RELN: variants seen among roughly 807,000 people sequenced by gnomAD.
RELN encodes the protein reelin.
A neutral mutation model predicts 427.6 loss-of-function variants in RELN; 108 were observed. The ratio of observed to expected loss-of-function variants is 0.25; its 90% CI spans 0.22 to 0.30. RELN has a LOEUF of 0.30. Ranked by LOEUF, RELN falls within the 10% of genes least tolerant of loss-of-function variation. The pLI is 1.00. For synonymous variants in RELN, 1,524 were observed against 1,513.4 expected, an observed-to-expected ratio of 1.01 and a Z score of -0.16; for missense variants, 3,715 against 4,302.8, an observed-to-expected ratio of 0.86 and a Z score of 3.82.
chr7:103,685,316 C>G (rs1300867186), intron 10 of RELN, among the ~76,000 whole-genome samples: 2 of 152,040 alleles, frequency 1.3e-5, no homozygotes, highest in Non-Finnish European at 2.9e-5. Context: ...CAAATCTAAA[C>G]AACTTCAAAA....
At chr7:103,660,714 C>T (rs1028817233) in intron 12 of RELN, among the ~76,000 whole-genome samples, 69 of 152,238 alleles carry the variant, frequency 4.5e-4, no homozygotes, top group African/African-American at 1.6e-3. Flanking sequence ...AGGCATGTGA[C>T]ACCTACTCAC....
At position 103,651,785 on chromosome 7, in the gene RELN, T is replaced by C; in HGVS notation, c.1768A>G (p.Ser590Gly). The C allele has an allele frequency of 6.2e-7, 1 of 1,611,472 alleles. No homozygotes were observed. The highest frequency in any genetic ancestry group is 8.5e-7 in the Non-Finnish European group (1 of 1,178,468). ...CGTHQPGNSV[S>G]LEFSTNHGRS... The stretch of plus-strand genomic sequence containing the variant: ...CCATGGTTGGTAGAAAATTCCAAGC[T>C]GACACTAATAAAACCAGAACAAGCA... The change falls in exon 15 of 65, where the codon AGC (serine) becomes GGC (glycine). Residue 590 changes from serine to glycine, a missense_variant. By Grantham distance (56) the Ser-to-Gly change is moderately conservative. Around this residue, in one of 4 missense-constraint regions of RELN, gnomAD observed 2,208 missense variants for 2,361.7 expected, o/e 0.93. Coordinates refer to ENST00000428762, the MANE Select transcript of RELN (RefSeq NM_005045.4).
Position 103,561,534 on chromosome 7 carries a change from C to T in RELN, c.5527G>A (p.Gly1843Arg). Residue 1843 changes from glycine (G) to arginine (R), a missense_variant and splice_region_variant, in exon 36 of 65, where the codon GGG becomes AGG. Around this residue, in one of 4 missense-constraint regions of RELN, gnomAD observed 2,208 missense variants for 2,361.7 expected, o/e 0.93. Coordinates refer to ENST00000428762, the MANE Select transcript of RELN (RefSeq NM_005045.4). Reference sequence around the variant, plus strand: ...GGAGAATCTTATCTGTATCTGACCCCTTTAAAAATTAGAGATGTTCCAGAT... The same window carrying T: ...GGAGAATCTTATCTGTATCTGACCCTTTTAAAAATTAGAGATGTTCCAGAT... ...IKSGTSLIFKGEGLRMLISRD... is the reference protein window; with the variant it reads ...IKSGTSLIFKREGLRMLISRD... 1 of 1,611,750 alleles carries T rather than the reference C, an allele frequency of 6.2e-7. No individual in the cohort carries two copies. The highest frequency in any genetic ancestry group is 8.5e-7 in the Non-Finnish European group (1 of 1,177,910).
At chr7:103,586,048 C>T (rs1033802555) in intron 28 of RELN, among the ~76,000 whole-genome samples, 7 of 152,102 alleles carry the variant, frequency 4.6e-5, no homozygotes, top group African/African-American at 7.2e-5. Flanking sequence ...ACAATCTGGG[C>T]ATCAAAGCAA....
chr7:103,735,061 CT>C (rs550775356), intron 6 of RELN, among the ~76,000 whole-genome samples: 2 of 151,752 alleles, frequency 1.3e-5, no homozygotes, highest in African/African-American at 4.8e-5. Context: ...TACACCATCT[CT>C]TTTTTTTCAC....
In RELN at chr7:103,899,367, C is replaced by T. The variant is rs563898799; in HGVS notation, c.337+17708G>A. On this transcript the variant is annotated intron_variant, in intron 2 of 64. Coordinates refer to ENST00000428762, the MANE Select transcript of RELN (RefSeq NM_005045.4). ...CAGCCAAATTCAACCAGAGGTACAA[C>T]GAGGAACTGGTACCATTCCTTCTGA... 3.9e-4 allele frequency among the ~76,000 whole-genome samples: 59 copies of T among 152,018 alleles called. 1 individual carries two copies. The East Asian group carries it at 0.01, about 26-fold the overall frequency.
chr7:103,860,538 A>G (rs1794048163), intron 2 of RELN, among the ~76,000 whole-genome samples: 1 of 152,094 alleles, frequency 6.6e-6, no homozygotes, highest in South Asian at 2.1e-4. Flanking sequence ...CTTACTATAT[A>G]ACTTGGATTT....
intron 1 of RELN, among the ~76,000 whole-genome samples, chr7:103,961,635 T>G (rs1198821480): frequency 6.6e-6 from 1 of 152,178 alleles, no homozygotes; most frequent in Non-Finnish European, 1.5e-5. Context: ...TACAGGTAAC[T>G]TGGGATTGTG....
rs558631507 is a variant in RELN at position 103,953,032 on chromosome 7, A to G, written c.227-35847T>C. Among the ~76,000 whole-genome samples the G allele has an allele frequency of 6.6e-6, 1 of 152,130 alleles. No individual in the cohort carries two copies. The highest frequency in any genetic ancestry group is 2.4e-5 in the African/African-American group (1 of 41,484). Reference sequence around the variant, plus strand: ...ATAGCCACTACTGCATTCACCTCCCAATGTGCCTTATGATGGTGACTAGCC... The same window carrying G: ...ATAGCCACTACTGCATTCACCTCCCGATGTGCCTTATGATGGTGACTAGCC... On this transcript the variant is annotated intron_variant, in intron 1 of 64. Coordinates refer to ENST00000428762, the MANE Select transcript of RELN (RefSeq NM_005045.4). The surrounding 1 kb of genome is among the most constrained non-coding windows in gnomAD (Gnocchi z 4.3).
chr7:103,958,491 C>T (rs143351593), intron 1 of RELN, among the ~76,000 whole-genome samples: 46 of 152,220 alleles, frequency 3.0e-4, no homozygotes, highest in African/African-American at 1.0e-3. Context: ...TCCTCTTAGC[C>T]ACTCAATCAT....
intron 1 of RELN, among the ~76,000 whole-genome samples, chr7:103,938,943 CT>C (rs142139940): frequency 0.018 from 2,704 of 146,282 alleles, 72 homozygotes; most frequent in African/African-American, 0.061. Flanking sequence ...GTTTTATAAG[CT>C]TTTTTTTTTT....
Position 103,640,396 on chromosome 7 carries a change from A to G in RELN, c.2069+147T>C, listed in dbSNP as rs1832672442. 1.3e-6 allele frequency: 1 copy of G among 745,974 alleles called. No homozygotes were observed. The highest frequency in any genetic ancestry group is 2.3e-6 in the Non-Finnish European group (1 of 434,584). The allele number at this position is 745,974 out of a possible 1,614,324, so 46.2% of individuals were successfully genotyped here. ...AATTTTCACTTAAAAATACATTTGA[A>G]TTACACTTAAGTTCTAATAGAAATA... On this transcript the variant is annotated intron_variant, in intron 17 of 64. Transcript: ENST00000428762. The surrounding 1 kb of genome is among the most constrained non-coding windows in gnomAD (Gnocchi z 4.1).
chr7:103,568,614 G>A (rs1191196451), intron 31 of RELN, among the ~76,000 whole-genome samples: 4 of 152,178 alleles, frequency 2.6e-5, no homozygotes, highest in Non-Finnish European at 5.9e-5. Context: ...TGTGGCATAA[G>A]CTCTAGTCTC....
At chr7:103,705,674 G>A (rs1834183152) in intron 8 of RELN, among the ~76,000 whole-genome samples, 1 of 152,198 alleles carries the variant, frequency 6.6e-6, no homozygotes, top group Non-Finnish European at 1.5e-5. Flanking sequence ...TTACGAGAAT[G>A]GATAGAGGGG....
At position 103,642,912 on chromosome 7, in the gene RELN, A is replaced by T. The variant is rs530180287; in HGVS notation, c.2003-2303T>A. ...AAAATGCTACGCAAAATGTTCTACC[A>T]ATGAAAAAACTCCATTTTAACCCCT... On this transcript the variant is annotated intron_variant, in intron 16 of 64. Coordinates refer to ENST00000428762, the MANE Select transcript of RELN (RefSeq NM_005045.4). 1.9e-3 allele frequency among the ~76,000 whole-genome samples: 283 copies of T among 152,236 alleles called. 1 individual carries two copies. Among genetic ancestry groups the T allele is most frequent in the African/African-American group, 6.1e-3 (254 of 41,560 alleles).
intron 1 of RELN, among the ~76,000 whole-genome samples, chr7:103,978,983 G>A (rs777361599): frequency 1.3e-5 from 2 of 152,190 alleles, no homozygotes; most frequent in Non-Finnish European, 2.9e-5. Context: ...ATGATCTGGT[G>A]TTTCAGGCTT....
chr7:103,714,771 G>A (rs887815650), intron 8 of RELN, among the ~76,000 whole-genome samples: 2 of 152,062 alleles, frequency 1.3e-5, no homozygotes, highest in African/African-American at 2.4e-5. Context: ...AAGTGTCCTG[G>A]GGCTTCTCAG....
At position 103,556,954 on chromosome 7, in the gene RELN, CAGG is replaced by C; in HGVS notation, c.5797+20_5797+22del. 1 of 1,582,762 alleles carries C rather than the reference CAGG, an allele frequency of 6.3e-7. No homozygotes were observed. The highest frequency in any genetic ancestry group is 8.7e-7 in the Non-Finnish European group (1 of 1,151,342). On this transcript the variant is annotated intron_variant, in intron 38 of 64. Transcript: ENST00000428762. Reference sequence around the variant, plus strand: ...AACATGCCACTATCAGTTCTGATCACAGGAGAACACATGCATTTTTACCGTTAT... The same window carrying C: ...AACATGCCACTATCAGTTCTGATCACAGAACACATGCATTTTTACCGTTAT...
chr7:103,959,297 C>T (rs12666169), intron 1 of RELN, among the ~76,000 whole-genome samples: 16,267 of 152,078 alleles, frequency 0.11, 1,016 homozygotes, highest in East Asian at 0.2. Flanking sequence ...TTAATGAATT[C>T]GCATGGATTT....
Sources: allele counts gnomAD v4.1 joint callset (sites outside exome capture counted in the v4.1 genomes callset), GRCh38; gene constraint gnomAD v4.1.1; regional missense constraint gnomAD v4.1.1; non-coding constraint Gnocchi (gnomAD v3.1); transcripts MANE v1.5; gene names NCBI Gene and HGNC (gene_info 2026-07-23, HGNC 2026-07-21).